NARS2: variants seen among roughly 807,000 people sequenced by gnomAD.
NARS2 encodes asparaginyl-tRNA synthetase.
A neutral mutation model predicts 62.9 loss-of-function variants in NARS2; 60 were observed. That is an observed-to-expected ratio of 0.95 (90% confidence interval 0.77 to 1.18). NARS2 has a LOEUF of 1.18. Among genes scored for constraint, NARS2 ranks in the 50% most tolerant of loss-of-function variants. The probability of loss-of-function intolerance (pLI) is 0.00; values close to 1 mark genes in which losing one functional copy is unlikely to be tolerated. For synonymous variants in NARS2, 196 were observed against 200.0 expected, an observed-to-expected ratio of 0.98 and a Z score of 0.17; for missense variants, 619 against 576.4, an observed-to-expected ratio of 1.07 and a Z score of -0.76.
intron 6 of NARS2, among the ~76,000 whole-genome samples, chr11:78,493,612 C>T (rs2135327456): frequency 1.3e-5 from 2 of 151,224 alleles, no homozygotes. Flanking sequence ...GAGCCATGTT[C>T]ATGCCACTGC....
chr11:78,536,827 G>T (rs781741260), intron 5 of NARS2, among the ~76,000 whole-genome samples: 1 of 152,118 alleles, frequency 6.6e-6, no homozygotes, highest in Non-Finnish European at 1.5e-5. Flanking sequence ...TTCACTTACT[G>T]ACTCATCCAG....
intron 6 of NARS2, among the ~76,000 whole-genome samples, chr11:78,523,442 T>C (rs988447065): frequency 6.6e-6 from 1 of 152,224 alleles, no homozygotes; most frequent in Non-Finnish European, 1.5e-5. Context: ...AGTTACTGCA[T>C]GACCCATTAA....
chr11:78,546,708 C>T (rs1318294440), intron 5 of NARS2: 1 of 152,222 alleles, frequency 6.6e-6, no homozygotes. Flanking sequence ...CTGCCCCAAT[C>T]TTACCAATTT....
rs757129945 is a variant in NARS2 at position 78,574,464 on chromosome 11, G to GCAGCAGGCAGCGGACCCC, written c.7_24dup (p.Gly3_Leu8dup). 6 of 1,613,090 alleles carry GCAGCAGGCAGCGGACCCC rather than the reference G, an allele frequency of 3.7e-6. No homozygotes were observed. In the East Asian group the frequency reaches 8.9e-5, roughly 24 times the overall value. On this transcript the variant is annotated inframe_insertion, in exon 1 of 14. Coordinates refer to ENST00000281038, the MANE Select transcript of NARS2 (RefSeq NM_024678.6). ...GCGGAGGAACAGAAGCGCACGGACC[G>GCAGCAGGCAGCGGACCCC]CAGCAGGCAGCGGACCCCCAGCATC...
intron 4 of NARS2, among the ~76,000 whole-genome samples, chr11:78,565,333 AAAC>A (rs1856707828): frequency 1.3e-5 from 2 of 152,358 alleles, no homozygotes; most frequent in South Asian, 2.1e-4. Flanking sequence ...AAACACTGTA[AAAC>A]AACAACAAAA....
At chr11:78,541,152 C>G (rs1855601029) in intron 5 of NARS2, among the ~76,000 whole-genome samples, 1 of 151,798 alleles carries the variant, frequency 6.6e-6, no homozygotes, top group African/African-American at 2.4e-5. Flanking sequence ...AACAGTGAAA[C>G]TCCATCTCAA....
At chr11:78,558,892 T>C (rs965647224) in intron 5 of NARS2, among the ~76,000 whole-genome samples, 1 of 152,226 alleles carries the variant, frequency 6.6e-6, no homozygotes, top group Non-Finnish European at 1.5e-5. Context: ...CGTCCACAAA[T>C]ATTAACTGTG....
At chr11:78,555,732 G>T (rs1856327545) in intron 5 of NARS2, among the ~76,000 whole-genome samples, 1 of 152,026 alleles carries the variant, frequency 6.6e-6, no homozygotes, top group African/African-American at 2.4e-5. Context: ...CTTTGGGGTT[G>T]ATCTGTTCTT....
At chr11:78,454,531 C>T (rs1858085836) in intron 11 of NARS2, among the ~76,000 whole-genome samples, 2 of 152,012 alleles carry the variant, frequency 1.3e-5, no homozygotes, top group African/African-American at 2.4e-5. Flanking sequence ...TGAGGCCACA[C>T]CAGAAGCTGA....
chr11:78,476,130 C>T (rs75593899), intron 9 of NARS2, among the ~76,000 whole-genome samples: 2,416 of 152,290 alleles, frequency 0.016, 61 homozygotes, highest in African/African-American at 0.055. Flanking sequence ...ACCAGATAGA[C>T]TTTCCTACTG....
intron 11 of NARS2, among the ~76,000 whole-genome samples, chr11:78,451,075 G>A (rs1168108028): frequency 1.3e-5 from 2 of 152,036 alleles, no homozygotes; most frequent in South Asian, 4.2e-4. Context: ...AATACTTCCT[G>A]TTTTTCTTTT....
intron 4 of NARS2, among the ~76,000 whole-genome samples, chr11:78,564,160 A>G (rs7129552): frequency 0.67 from 100,694 of 151,406 alleles, 35,043 homozygotes; most frequent in Non-Finnish European, 0.79. Flanking sequence ...TTGGCCTCCC[A>G]AAGTGCTAGG....
intron 5 of NARS2, among the ~76,000 whole-genome samples, chr11:78,529,270 AT>A (rs1285476480): frequency 6.6e-6 from 1 of 152,248 alleles, no homozygotes; most frequent in Non-Finnish European, 1.5e-5. Flanking sequence ...AATGTGAAGA[AT>A]TACATAACCT....
intron 7 of NARS2, among the ~76,000 whole-genome samples, chr11:78,480,537 G>A (rs1388510505): frequency 6.6e-6 from 1 of 151,734 alleles, no homozygotes; most frequent in Non-Finnish European, 1.5e-5. Flanking sequence ...TTATAGGTGT[G>A]AGCCACTGCG....
intron 5 of NARS2, among the ~76,000 whole-genome samples, chr11:78,543,352 A>C (rs1855705459): frequency 6.6e-6 from 1 of 152,210 alleles, no homozygotes. Context: ...ATAAATGTCT[A>C]ATTTCCAACA....
At chr11:78,505,722 A>G (rs1287170251) in intron 6 of NARS2, among the ~76,000 whole-genome samples, 2 of 152,218 alleles carry the variant, frequency 1.3e-5, no homozygotes, top group Admixed American at 6.5e-5. Context: ...CAAAAAGTTT[A>G]TAGACTAGCA....
chr11:78,523,235 A>G (rs1308493985), intron 6 of NARS2, among the ~76,000 whole-genome samples: 2 of 152,210 alleles, frequency 1.3e-5, no homozygotes, highest in Non-Finnish European at 2.9e-5. Context: ...ACCCATCATT[A>G]GTAGTCAGGG....
chr11:78,436,695 C>A lies in NARS2; in HGVS notation c.1409G>T (p.Arg470Met), dbSNP rs1857419999. ...DNIKDVIPFP[R>M]FPHSCLL ...CTATAAAAGGCATGAATGAGGAAAC[C>A]TTGGGAAAGGGATAACATCTTTGAT... Residue 470 changes from arginine to methionine, a missense_variant, in exon 14 of 14, where the codon AGG becomes ATG. Coordinates refer to ENST00000281038, the MANE Select transcript of NARS2 (RefSeq NM_024678.6). The A allele has an allele frequency of 6.2e-7, 1 of 1,614,012 alleles. No homozygotes were observed. The highest frequency in any genetic ancestry group is 2.2e-5 in the East Asian group (1 of 44,882).
At chr11:78,563,507 C>T (rs901512892) in intron 4 of NARS2, among the ~76,000 whole-genome samples, 4 of 151,682 alleles carry the variant, frequency 2.6e-5, no homozygotes, top group Non-Finnish European at 5.9e-5. Flanking sequence ...TGAGCCACAG[C>T]GCCCGGCCAT....
Sources: gnomAD v4.1 joint callset for allele counts (sites outside exome capture counted in the v4.1 genomes callset) on GRCh38, gnomAD v4.1.1 for gene constraint, MANE v1.5 for transcripts, NCBI Gene and HGNC (gene_info 2026-07-23, HGNC 2026-07-21) for gene names.